The following CACNA1D variants were observed in gnomAD, a reference collection of about 807,000 sequenced individuals.
CACNA1D encodes calcium voltage-gated channel subunit alpha1 D, also known as voltage-dependent L-type calcium channel subunit alpha-1D.
Under a neutral mutation model 257.1 loss-of-function variants are expected in CACNA1D, and 55 were observed. The observed-to-expected ratio is 0.21, with a 90% CI of 0.17 to 0.27. The LOEUF (loss-of-function observed/expected upper bound fraction) is 0.27. Among genes scored for constraint, CACNA1D ranks in the 10% least tolerant of loss-of-function variants. CACNA1D has a pLI of 1.00. For synonymous variants in CACNA1D, 980 were observed against 1,014.9 expected (o/e 0.97, Z 0.65); for missense variants, 1,876 against 2,784.0 (o/e 0.67, Z 7.34).
At chr3:53,713,231 G>T (rs919997382) in intron 9 of CACNA1D, among the ~76,000 whole-genome samples, 1 of 152,182 alleles carries the variant, frequency 6.6e-6, no homozygotes, top group Non-Finnish European at 1.5e-5. Context: ...TGCAGTTATA[G>T]CAGGTCAGAG....
chr3:53,716,507 CTG>C (rs2094819671), intron 9 of CACNA1D, among the ~76,000 whole-genome samples: 1 of 151,564 alleles, frequency 6.6e-6, no homozygotes, highest in African/African-American at 2.4e-5. Flanking sequence ...TCTTGTGTGT[CTG>C]TGTGTGTTAA....
chr3:53,602,419 G>A (rs945525338), intron 3 of CACNA1D, among the ~76,000 whole-genome samples: 11 of 152,196 alleles, frequency 7.2e-5, no homozygotes, highest in African/African-American at 2.7e-4. Context: ...ATAAACATGG[G>A]AATTTAGATA....
chr3:53,730,830 A>G (rs1227192529), intron 16 of CACNA1D, among the ~76,000 whole-genome samples: 1 of 152,254 alleles, frequency 6.6e-6, no homozygotes, highest in African/African-American at 2.4e-5. Flanking sequence ...CATAAAATAA[A>G]TGATGCATTC....
intron 3 of CACNA1D, among the ~76,000 whole-genome samples, chr3:53,639,432 G>A (rs548015523): frequency 1.3e-5 from 2 of 151,758 alleles, no homozygotes; most frequent in Non-Finnish European, 2.9e-5. Flanking sequence ...TGTCAACCAG[G>A]CTACAGTGCA....
Position 53,702,636 on chromosome 3 carries a change from T to C in CACNA1D, c.1221-5T>C, listed in dbSNP as rs760874561. On this transcript the variant is annotated splice_region_variant and splice_polypyrimidine_tract_variant and intron_variant, in intron 8 of 47. Transcript: ENST00000350061. The stretch of plus-strand genomic sequence containing the variant: ...ATATGTGCTTGTCCTCTTTGCCTCC[T>C]TCAGAGAATTCTCAAAGGAAAGAGA... 15 of 1,613,332 alleles carry C rather than the reference T, an allele frequency of 9.3e-6. No homozygotes were observed. Among genetic ancestry groups the C allele is most frequent in the Admixed American group, 1.7e-5 (1 of 60,000 alleles).
intron 8 of CACNA1D, among the ~76,000 whole-genome samples, chr3:53,675,432 C>T (rs773007564): frequency 2.6e-5 from 4 of 152,196 alleles, no homozygotes; most frequent in Non-Finnish European, 5.9e-5. Flanking sequence ...AATTCCTTGG[C>T]GCCTCATGTC....
At chr3:53,509,998 G>A (rs1438600626) in intron 3 of CACNA1D, among the ~76,000 whole-genome samples, 6 of 152,178 alleles carry the variant, frequency 3.9e-5, no homozygotes, top group Non-Finnish European at 8.8e-5. Flanking sequence ...CGCTGCTGTG[G>A]CTCCCCATGC....
Position 53,730,434 on chromosome 3 carries a change from G to A in CACNA1D, c.2222-8G>A, listed in dbSNP as rs758436322. 3.1e-6 allele frequency: 5 copies of A among 1,598,160 alleles called. No individual in the cohort carries two copies. The African/African-American group carries it at 4.0e-5, about 13-fold the overall frequency. Reference sequence around the variant, plus strand: ...TAGTGTGTTGTGCCCTTAAAAAGTTGAAATTAGATATTCTACTGAATGTCT... The same window carrying A: ...TAGTGTGTTGTGCCCTTAAAAAGTTAAAATTAGATATTCTACTGAATGTCT... On this transcript the variant is annotated splice_polypyrimidine_tract_variant and splice_region_variant and intron_variant, in intron 15 of 47. Transcript: ENST00000350061.
chr3:53,501,906 A>G (rs1055198154), intron 3 of CACNA1D, among the ~76,000 whole-genome samples, 186 bp downstream of exon 3: 1 of 152,166 alleles, frequency 6.6e-6, no homozygotes. Flanking sequence ...ATTTATACTG[A>G]CTGAAAGTAT....
intron 3 of CACNA1D, among the ~76,000 whole-genome samples, chr3:53,609,137 G>A (rs1484480694): frequency 2.6e-5 from 4 of 152,146 alleles, no homozygotes; most frequent in African/African-American, 4.8e-5. Context: ...TAGGCCGGGC[G>A]CTGTGGCTCA....
chr3:53,568,867 C>T (rs1243187728), intron 3 of CACNA1D, among the ~76,000 whole-genome samples: 2 of 152,304 alleles, frequency 1.3e-5, no homozygotes, highest in East Asian at 3.9e-4. Flanking sequence ...TGAAACTCAT[C>T]GTCATCAGGC....
intron 3 of CACNA1D, among the ~76,000 whole-genome samples, chr3:53,627,950 C>A (rs538203404): frequency 6.6e-6 from 1 of 151,938 alleles, no homozygotes; most frequent in Non-Finnish European, 1.5e-5. Context: ...ACCTGGGAGG[C>A]GGAGGTTGTG....
At chr3:53,539,282 G>A (rs1398038630) in intron 3 of CACNA1D, among the ~76,000 whole-genome samples, 1 of 151,896 alleles carries the variant, frequency 6.6e-6, no homozygotes, top group Non-Finnish European at 1.5e-5. Context: ...ACTAATTTTT[G>A]TATTTTTAGT....
In CACNA1D at chr3:53,772,917, G is replaced by T. The variant is rs375161264; in HGVS notation, c.4110+19G>T. The T allele has an allele frequency of 1.4e-5, 23 of 1,600,548 alleles. No homozygotes were observed. In the East Asian group the frequency reaches 3.3e-4, roughly 23 times the overall value. ...CATGCAGGTAAGCTCCAGCCATCTC[G>T]CCCTCAGGGGCCCTTTCACTGGGTA... On this transcript the variant is annotated intron_variant, in intron 33 of 47. Coordinates refer to ENST00000350061, the MANE Select transcript of CACNA1D (RefSeq NM_001128840.3).
chr3:53,671,921 T>C (rs1576304571), intron 7 of CACNA1D, among the ~76,000 whole-genome samples: 1 of 152,216 alleles, frequency 6.6e-6, no homozygotes, highest in South Asian at 2.1e-4. Context: ...GCAGTTCTCA[T>C]TGGCTGAAAA....
chr3:53,712,109 C>T (rs2094763820), intron 9 of CACNA1D, among the ~76,000 whole-genome samples: 1 of 152,168 alleles, frequency 6.6e-6, no homozygotes, highest in South Asian at 2.1e-4. Flanking sequence ...GATTTCTGTC[C>T]CCAGAAAAGA....
In CACNA1D at chr3:53,666,550, G is replaced by T; in HGVS notation, c.1116+15G>T. The stretch of plus-strand genomic sequence containing the variant: ...TGCTCTACTGGGTAAGTACCCTGGG[G>T]AGAGAGTTTATGGAGTGTTCTTTGC... On this transcript the variant is annotated intron_variant, in intron 7 of 47. Transcript: ENST00000350061. The T allele has an allele frequency of 6.2e-7, 1 of 1,602,764 alleles. No individual in the cohort carries two copies. Among genetic ancestry groups the T allele is most frequent in the Non-Finnish European group, 8.5e-7 (1 of 1,169,708 alleles).
rs192534527 is a variant in CACNA1D, at chr3:53,587,685, G to A, written c.484-63094G>A. Among the ~76,000 whole-genome samples, 408 of 152,192 alleles carry A rather than the reference G, an allele frequency of 2.7e-3. 1 individual carries two copies. The highest frequency in any genetic ancestry group is 2.8e-3 in the Non-Finnish European group (188 of 68,008). ...ATTCTGTGATTCTTTCGTCTTTCCC[G>A]TACTTCTTGAGGGGATTTATAAACT... On this transcript the variant is annotated intron_variant, in intron 3 of 47. Coordinates refer to ENST00000350061, the MANE Select transcript of CACNA1D (RefSeq NM_001128840.3).
chr3:53,495,629 G>A lies in CACNA1D; in HGVS notation c.67+396G>A, dbSNP rs1007274579. 6.6e-6 allele frequency among the ~76,000 whole-genome samples: 1 copy of A among 152,112 alleles called. No individual in the cohort carries two copies. The highest frequency in any genetic ancestry group is 2.4e-5 in the African/African-American group (1 of 41,432). On this transcript the variant is annotated intron_variant, in intron 1 of 47. Coordinates refer to ENST00000350061, the MANE Select transcript of CACNA1D (RefSeq NM_001128840.3). The surrounding 1 kb of genome is among the most constrained non-coding windows in gnomAD (Gnocchi z 5.1). The stretch of plus-strand genomic sequence containing the variant: ...TCTTCTCGCCTTCCACTCCTCCCCC[G>A]CCCCCTCGTTGACTAGGAAGAAGGT...
Sources: allele counts gnomAD v4.1 joint callset (sites outside exome capture counted in the v4.1 genomes callset), GRCh38; gene constraint gnomAD v4.1.1; non-coding constraint Gnocchi (gnomAD v3.1); transcripts MANE v1.5; gene names NCBI Gene and HGNC (gene_info 2026-07-23, HGNC 2026-07-21).